SLC25A28: variants seen among roughly 807,000 people sequenced by gnomAD.
The protein encoded by SLC25A28 is solute carrier family 25 member 28.
In SLC25A28, 10 loss-of-function variants were observed where a neutral mutation model predicts 31.9. That is an observed-to-expected ratio of 0.31 (90% CI 0.19 to 0.53). The LOEUF (loss-of-function observed/expected upper bound fraction) is 0.53, where lower values mean the gene tolerates loss of function less well. SLC25A28 is among the 20% of genes least tolerant of loss of function. SLC25A28 has a pLI of 0.95. For synonymous variants in SLC25A28, 208 were observed against 203.6 expected (o/e 1.02, Z -0.19); for missense variants, 256 against 490.3 (o/e 0.52, Z 4.51).
At chr10:99,648,803 T>C in the SLC25A28 span, among the ~76,000 whole-genome samples, 6 of 152,128 alleles carry the variant, frequency 3.9e-5, no homozygotes, top group African/African-American at 1.2e-4. Context: ...TAATTTTGTA[T>C]CCTGAAACTA....
At chr10:99,625,340 T>C (rs952887318), upstream of SLC25A28, among the ~76,000 whole-genome samples, 5 of 151,952 alleles carry the variant, frequency 3.3e-5, no homozygotes, top group African/African-American at 1.2e-4. Context: ...TGCTGATTGG[T>C]CCATTTTACA....
the SLC25A28 span, among the ~76,000 whole-genome samples, chr10:99,627,519 C>G: frequency 1.3e-5 from 2 of 151,568 alleles, no homozygotes; most frequent in Admixed American, 1.3e-4. Flanking sequence ...TGGCTCACTG[C>G]AGCTTCAACC....
At chr10:99,628,777 C>T in the SLC25A28 span, among the ~76,000 whole-genome samples, 9 of 152,284 alleles carry the variant, frequency 5.9e-5, no homozygotes, top group Middle Eastern at 3.4e-3. Context: ...GCTGAGATCA[C>T]GCCATTGCAC....
At chr10:99,625,337 T>G (rs976918163), upstream of SLC25A28, among the ~76,000 whole-genome samples, 4 of 152,014 alleles carry the variant, frequency 2.6e-5, no homozygotes, top group African/African-American at 9.7e-5. Flanking sequence ...TCCTGCTGAT[T>G]GGTCCATTTT....
At chr10:99,628,729 A>G in the SLC25A28 span, among the ~76,000 whole-genome samples, 3 of 152,148 alleles carry the variant, frequency 2.0e-5, no homozygotes, top group Non-Finnish European at 4.4e-5. Context: ...GCTGAGGCAG[A>G]AGAATCGTTT....
At chr10:99,614,543 C>T (rs2133344836) in intron 1 of SLC25A28, among the ~76,000 whole-genome samples, 1 of 152,292 alleles carries the variant, frequency 6.6e-6, no homozygotes, top group African/African-American at 2.4e-5. Context: ...AATCTAGTCT[C>T]CAATCCTGAA....
At chr10:99,617,848 G>A in intron 1 of SLC25A28, 1 of 896,188 alleles carries the variant, frequency 1.1e-6, no homozygotes, top group Non-Finnish European at 1.3e-6. Flanking sequence ...AAATTCCAAA[G>A]TTTATGTAAA....
At chr10:99,631,109 G>A in the SLC25A28 span, among the ~76,000 whole-genome samples, 1 of 152,132 alleles carries the variant, frequency 6.6e-6, no homozygotes, top group Admixed American at 6.5e-5. Context: ...GCATGTCTGA[G>A]TCCTAGGAAG....
the SLC25A28 span, among the ~76,000 whole-genome samples, chr10:99,641,285 G>C: frequency 1.3e-4 from 20 of 152,206 alleles, no homozygotes; most frequent in Admixed American, 1.3e-3. Context: ...ATATCTCATT[G>C]TGGTTTTGAT....
At chr10:99,621,045 G>T, upstream of SLC25A28, 6 of 940,194 alleles carry the variant, frequency 6.4e-6, no homozygotes, top group East Asian at 1.2e-4. Context: ...CGTCGCGGGC[G>T]TGAGGCGGGG....
the SLC25A28 span, among the ~76,000 whole-genome samples, chr10:99,637,094 G>C: frequency 6.6e-6 from 1 of 152,066 alleles, no homozygotes. Flanking sequence ...AATACACCAC[G>C]AGCAAGTGGG....
At chr10:99,646,289 C>A in the SLC25A28 span, among the ~76,000 whole-genome samples, 1 of 152,236 alleles carries the variant, frequency 6.6e-6, no homozygotes, top group Non-Finnish European at 1.5e-5. Context: ...CTCACTGCCA[C>A]CTTGCAGTTC....
chr10:99,623,367 A>C (rs904875839), upstream of SLC25A28, among the ~76,000 whole-genome samples: 5 of 152,160 alleles, frequency 3.3e-5, no homozygotes, highest in Non-Finnish European at 7.4e-5. Flanking sequence ...CCCCACCCCA[A>C]CCCATTCCTC....
At chr10:99,642,142 A>G in the SLC25A28 span, among the ~76,000 whole-genome samples, 1 of 152,084 alleles carries the variant, frequency 6.6e-6, no homozygotes, top group Non-Finnish European at 1.5e-5. Context: ...CATTGAATCT[A>G]TAAATTACCT....
the SLC25A28 span, among the ~76,000 whole-genome samples, chr10:99,643,064 G>C: frequency 6.6e-6 from 1 of 152,056 alleles, no homozygotes; most frequent in Non-Finnish European, 1.5e-5. Flanking sequence ...TTGGTATCAG[G>C]ATGATGCTGG....
upstream of SLC25A28, chr10:99,621,058 G>C: frequency 1.1e-6 from 1 of 885,126 alleles, no homozygotes; most frequent in Non-Finnish European, 1.4e-6. Flanking sequence ...AGGCGGGGCC[G>C]GCCTGGGCCG....
chr10:99,625,587 T>A (rs2034868851), upstream of SLC25A28, among the ~76,000 whole-genome samples: 1 of 152,196 alleles, frequency 6.6e-6, no homozygotes. Context: ...CCACTCATTT[T>A]TTTTCTTTAG....
At chr10:99,647,224 T>C in the SLC25A28 span, among the ~76,000 whole-genome samples, 1 of 152,350 alleles carries the variant, frequency 6.6e-6, no homozygotes, top group East Asian at 1.9e-4. Flanking sequence ...CTTTAGTTCT[T>C]TAAGAAATCT....
At position 99,613,277 on chromosome 10, in the gene SLC25A28, G is replaced by A. The variant is rs984535439; in HGVS notation, c.520+419C>T. 3 of 598,026 alleles carry A rather than the reference G, an allele frequency of 5.0e-6. No individual in the cohort carries two copies. The African/African-American group carries it at 6.1e-5, about 12-fold the overall frequency. 37.0% of individuals were successfully genotyped at this position (598,026 alleles called of 1,614,324 possible). On this transcript the variant is annotated intron_variant, in intron 2 of 3. Transcript: ENST00000370495. The surrounding 1 kb of genome is among the most constrained non-coding windows in gnomAD (Gnocchi z 4.9). ...CTCTGGTGAGTTGGGATCCTGAAAA[G>A]GTGAGGCAAAAAGCAGGGGCTTCAT...
Sources: allele counts gnomAD v4.1 joint callset (sites outside exome capture counted in the v4.1 genomes callset), GRCh38; gene constraint gnomAD v4.1.1; non-coding constraint Gnocchi (gnomAD v3.1); transcripts MANE v1.5; gene names NCBI Gene and HGNC (gene_info 2026-07-23, HGNC 2026-07-21).